TRMT44: variants seen among roughly 807,000 people sequenced by gnomAD.
TRMT44 encodes the protein probable tRNA (uracil-O(2)-)-methyltransferase.
Under a neutral mutation model 77.3 loss-of-function variants are expected in TRMT44, and 78 were observed. The ratio of observed to expected loss-of-function variants is 1.01; its 90% CI spans 0.84 to 1.22. The LOEUF (loss-of-function observed/expected upper bound fraction) is 1.22, where lower values mean the gene tolerates loss of function less well. Among genes scored for constraint, TRMT44 ranks in the 50% most tolerant of loss-of-function variants. The pLI is 0.00. For synonymous variants in TRMT44, 391 were observed against 383.3 expected, an observed-to-expected ratio of 1.02 and a Z score of -0.23; for missense variants, 1,090 against 964.4, an observed-to-expected ratio of 1.13 and a Z score of -1.73.
Position 8,446,085 on chromosome 4 carries a change from T to C in TRMT44, c.620-391T>C, listed in dbSNP as rs911069042. Among the ~76,000 whole-genome samples, 17 of 152,380 alleles carry C rather than the reference T, an allele frequency of 1.1e-4. No individual in the cohort carries two copies. The East Asian group carries it at 2.9e-3, about 26-fold the overall frequency. On this transcript the variant is annotated intron_variant, in intron 1 of 10. Coordinates refer to ENST00000389737, the MANE Select transcript of TRMT44 (RefSeq NM_152544.3). This position sits in a 1 kb window ranked among gnomAD's most constrained non-coding sequence, Gnocchi z 4.3. ...TCCGCTTTCCTGAACTGGCCTCTGA[T>C]GGCTGAGCAGTGTTCTGTGCCTTGC...
At chr4:8,455,278 G>T in intron 6 of TRMT44, among the ~76,000 whole-genome samples, 2 of 152,350 alleles carry the variant, frequency 1.3e-5, no homozygotes, top group South Asian at 4.1e-4. Flanking sequence ...GGGATAGAAG[G>T]TTTAGAGGGC....
In TRMT44 at chr4:8,465,408, C is replaced by T; in HGVS notation, c.1341C>T (p.Leu447=). The T allele has an allele frequency of 1.2e-6, 2 of 1,613,696 alleles. No individual in the cohort carries two copies. Among genetic ancestry groups the T allele is most frequent in the Non-Finnish European group, 1.7e-6 (2 of 1,179,876 alleles). ...CCTACAATTGCCGCTTCTTTGTCCT[C>T]CCCTGCTGCTTCTTTGACTTCATTG... ...RSSYNCRFFV[L]PCCFFDFIGR... The change falls in exon 8 of 11, where the codon CTC becomes CTT. Residue 447 remains leucine (L), a synonymous_variant. Coordinates refer to ENST00000389737, the MANE Select transcript of TRMT44 (RefSeq NM_152544.3).
At chr4:8,494,549 G>A (rs951287482), downstream of TRMT44, among the ~76,000 whole-genome samples, 2 of 152,204 alleles carry the variant, frequency 1.3e-5, no homozygotes, top group African/African-American at 4.8e-5. Flanking sequence ...TGACGTGGAA[G>A]CCCCTGCTTC....
chr4:8,457,612 G>C (rs1355928187), intron 6 of TRMT44, among the ~76,000 whole-genome samples: 1 of 152,138 alleles, frequency 6.6e-6, no homozygotes, highest in Non-Finnish European at 1.5e-5. Context: ...CTACAAGAGA[G>C]AATATCATGA....
At chr4:8,468,629 T>C in intron 9 of TRMT44, 1 of 564,798 alleles carries the variant, frequency 1.8e-6, no homozygotes. Context: ...ACTACTCATT[T>C]TCAATCTAGA....
chr4:8,446,399 C>A lies in TRMT44; in HGVS notation c.620-77C>A. ...ATTGAAAGCATCGTGCTTGACTCAT[C>A]CCTATTTTTAATACTGCTTCTGATG... On this transcript the variant is annotated intron_variant, in intron 1 of 10. Transcript: ENST00000389737. This position sits in a 1 kb window ranked among gnomAD's most constrained non-coding sequence, Gnocchi z 4.3. 1 of 902,854 alleles carries A rather than the reference C, an allele frequency of 1.1e-6. No homozygotes were observed. The highest frequency in any genetic ancestry group is 1.7e-6 in the Non-Finnish European group (1 of 580,558). 55.9% of individuals were successfully genotyped at this position (902,854 alleles called of 1,614,324 possible).
chr4:8,475,753 T>C lies in TRMT44; in HGVS notation c.2045-19T>C, dbSNP rs1727334044. On this transcript the variant is annotated intron_variant, in intron 10 of 10. Coordinates refer to ENST00000389737, the MANE Select transcript of TRMT44 (RefSeq NM_152544.3). ...TTCAGGTTTACTTCTCAGTGTGTCT[T>C]CTCTGTTCCAAACCACAGTTGTGAA... The C allele has an allele frequency of 6.2e-7, 1 of 1,612,652 alleles. No homozygotes were observed. Among genetic ancestry groups the C allele is most frequent in the Non-Finnish European group, 8.5e-7 (1 of 1,179,022 alleles).
At chr4:8,491,108 TC>T in intron 2 of TRMT44, among the ~76,000 whole-genome samples, 1 of 151,916 alleles carries the variant, frequency 6.6e-6, no homozygotes, top group South Asian at 2.1e-4. Context: ...ACATAAAGGT[TC>T]TCCAAGGCCC....
chr4:8,452,744 A>AG lies in TRMT44; in HGVS notation c.1024-138_1024-137insG. ...AGCAACACTCCATCTCAAAAAAAGAAAAAAAAAAAAGAATGTTTAGTGTAG... is the reference window on the plus strand; with the variant it reads ...AGCAACACTCCATCTCAAAAAAAGAAGAAAAAAAAAAGAATGTTTAGTGTAG... On this transcript the variant is annotated intron_variant, in intron 4 of 10. Transcript: ENST00000389737. This position sits in a 1 kb window ranked among gnomAD's most constrained non-coding sequence, Gnocchi z 5.7. The AG allele has an allele frequency of 2.1e-6, 1 of 483,686 alleles. No individual in the cohort carries two copies. The allele number at this position is 483,686 out of a possible 1,614,324, so 30.0% of individuals were successfully genotyped here.
chr4:8,511,297 A>G, the TRMT44 span, among the ~76,000 whole-genome samples: 1 of 152,198 alleles, frequency 6.6e-6, no homozygotes, highest in Non-Finnish European at 1.5e-5. Context: ...GAGCACTGCA[A>G]TCCTGGGGGT....
chr4:8,514,456 T>A, the TRMT44 span, among the ~76,000 whole-genome samples: 2 of 152,004 alleles, frequency 1.3e-5, no homozygotes, highest in Non-Finnish European at 2.9e-5. Context: ...GTATTTTTTT[T>A]AGTAGAGATG....
At chr4:8,480,677 ACAGC>A (rs1430049733), downstream of TRMT44, among the ~76,000 whole-genome samples, 2 of 152,174 alleles carry the variant, frequency 1.3e-5, no homozygotes, top group Non-Finnish European at 2.9e-5. Context: ...TCATTTTTAG[ACAGC>A]CAGTGTAACA....
chr4:8,441,570 T>G, intron 1 of TRMT44, 129 bp downstream of exon 1: 1 of 1,141,806 alleles, frequency 8.8e-7, no homozygotes, highest in Non-Finnish European at 1.2e-6. Flanking sequence ...AGGTGTTTCA[T>G]AGTTTTTTGA....
chr4:8,515,410 G>C, the TRMT44 span, among the ~76,000 whole-genome samples: 1 of 152,220 alleles, frequency 6.6e-6, no homozygotes, highest in African/African-American at 2.4e-5. Flanking sequence ...TTGCCCCTGC[G>C]GCAGGCCCAT....
chr4:8,452,148 C>T lies in TRMT44; in HGVS notation c.1023+120C>T, dbSNP rs928085018. The T allele has an allele frequency of 2.2e-6, 2 of 916,112 alleles. No homozygotes were observed. The highest frequency in any genetic ancestry group is 2.7e-5 in the East Asian group (1 of 37,204). The allele number at this position is 916,112 out of a possible 1,614,324, so 56.7% of individuals were successfully genotyped here. ...CTGCCGGTGCTCACAATTCTGCTGG[C>T]CAAGGTTGGTTTCTCGTGTAATGGT... On this transcript the variant is annotated intron_variant, in intron 4 of 10. Coordinates refer to ENST00000389737, the MANE Select transcript of TRMT44 (RefSeq NM_152544.3). The surrounding 1 kb of genome is among the most constrained non-coding windows in gnomAD (Gnocchi z 5.7).
chr4:8,441,270 TCCCAAAGTCTCGC>T lies in TRMT44; in HGVS notation c.451_463del (p.Gln151ValfsTer49), dbSNP rs959740420. ...TCTGGATTCGCTTTGGGAGGATTTC[TCCCAAAGTCTCGC>T]CCGTGGCAATTCGGAGTTGCTGGCC... On this transcript the variant is annotated frameshift_variant, in exon 1 of 11. Transcript: ENST00000389737. LOFTEE classifies it high-confidence loss of function. 9 of 1,535,418 alleles carry T rather than the reference TCCCAAAGTCTCGC, an allele frequency of 5.9e-6. No homozygotes were observed. The highest frequency in any genetic ancestry group is 1.4e-5 in the African/African-American group (1 of 73,046).
At chr4:8,503,326 T>C in the TRMT44 span, among the ~76,000 whole-genome samples, 8 of 152,204 alleles carry the variant, frequency 5.3e-5, no homozygotes, top group African/African-American at 1.9e-4. Flanking sequence ...CAGCAGACCC[T>C]AGGCCGTGGC....
Position 8,454,809 on chromosome 4 carries a change from T to C in TRMT44, c.1199T>C (p.Leu400Ser). The C allele has an allele frequency of 6.2e-7, 1 of 1,614,152 alleles. No individual in the cohort carries two copies. Among genetic ancestry groups the C allele is most frequent in the Non-Finnish European group, 8.5e-7 (1 of 1,179,968 alleles). Residue 400 changes from leucine to serine, a missense_variant, in exon 6 of 11, where the codon TTA becomes TCA. Transcript: ENST00000389737. ...IWDMYGPQTQ[L>S]EEDAITPNDK... ...GACATGTATGGACCACAAACTCAGT[T>C]AGAGGTACCGTCTTTATTACGCATG...
Position 8,468,182 on chromosome 4 carries a change from G to A in TRMT44, c.1763G>A (p.Gly588Glu). The change falls in exon 9 of 11, where the codon GGA becomes GAA. Residue 588 changes from glycine to glutamate, a missense_variant. Coordinates refer to ENST00000389737, the MANE Select transcript of TRMT44 (RefSeq NM_152544.3). ...CAGGCTGAAGGACCCTGGCTACCTGGATTTCATCCCAGAGAAAAGGCTGAG... is the reference window on the plus strand; with the variant it reads ...CAGGCTGAAGGACCCTGGCTACCTGAATTTCATCCCAGAGAAAAGGCTGAG... ...GPQAEGPWLP[G>E]FHPREKAERV... 1 of 1,614,180 alleles carries A rather than the reference G, an allele frequency of 6.2e-7. No individual in the cohort carries two copies. The highest frequency in any genetic ancestry group is 8.5e-7 in the Non-Finnish European group (1 of 1,180,048).
Sources: gnomAD v4.1 joint callset for allele counts (sites outside exome capture counted in the v4.1 genomes callset) on GRCh38, gnomAD v4.1.1 for gene constraint, Gnocchi (gnomAD v3.1) non-coding constraint, MANE v1.5 for transcripts, NCBI Gene and HGNC (gene_info 2026-07-23, HGNC 2026-07-21) for gene names.